The following NWD1 variants were observed in gnomAD, a reference collection of about 807,000 sequenced individuals.
NWD1 encodes NACHT and WD repeat domain containing 1.
In NWD1, 129 loss-of-function variants were observed where a neutral mutation model predicts 135.1. The observed-to-expected ratio is 0.96, with a 90% CI of 0.83 to 1.11. NWD1 has a LOEUF of 1.11. Among genes scored for constraint, NWD1 ranks in the 50% least tolerant of loss-of-function variants. NWD1 has a pLI of 0.00. For synonymous variants in NWD1, 773 were observed against 786.0 expected (o/e 0.98, Z 0.28); for missense variants, 1,740 against 1,851.3 (o/e 0.94, Z 1.10).
At chr19:16,776,029 T>G (rs906681424) in intron 11 of NWD1, among the ~76,000 whole-genome samples, 1 of 152,140 alleles carries the variant, frequency 6.6e-6, no homozygotes, top group African/African-American at 2.4e-5. Flanking sequence ...GCTTTTGGGT[T>G]TTATTACTAA....
Position 16,773,203 on chromosome 19 carries a change from C to G in NWD1, c.2488C>G (p.Leu830Val). ...ATSHPALVGQ[L>V]CQQAQSWFQL... ...CTCACATCCAGCACTGGTGGGACAGCTATGCCAACAGGCCCAGAGCTGGTT... is the reference window on the plus strand; with the variant it reads ...CTCACATCCAGCACTGGTGGGACAGGTATGCCAACAGGCCCAGAGCTGGTT... The change falls in exon 11 of 19, where the codon CTA becomes GTA. Residue 830 changes from leucine (L) to valine (V), a missense_variant. Physicochemically the swap from Leu to Val is conservative, Grantham distance 32 (BLOSUM62 1). Coordinates refer to ENST00000524140, the MANE Select transcript of NWD1 (RefSeq NM_001007525.5). 6.2e-7 allele frequency: 1 copy of G among 1,613,852 alleles called. No homozygotes were observed. Among genetic ancestry groups the G allele is most frequent in the Non-Finnish European group, 8.5e-7 (1 of 1,179,982 alleles).
chr19:16,768,975 G>A (rs775842851), intron 10 of NWD1, among the ~76,000 whole-genome samples: 1 of 152,152 alleles, frequency 6.6e-6, no homozygotes, highest in African/African-American at 2.4e-5. Context: ...ATCCTCGGAG[G>A]TCTGCCTACT....
At chr19:16,737,767 A>G (rs1026396118) in intron 4 of NWD1, among the ~76,000 whole-genome samples, 3 of 151,588 alleles carry the variant, frequency 2.0e-5, no homozygotes. Context: ...AAGTCAGGAG[A>G]TTGAGACCAG....
chr19:16,737,604 C>T (rs1967877417), intron 4 of NWD1, among the ~76,000 whole-genome samples: 2 of 151,110 alleles, frequency 1.3e-5, no homozygotes, highest in Non-Finnish European at 2.9e-5. Flanking sequence ...GCTATGTTGC[C>T]CAGGCTGGCC....
At position 16,800,061 on chromosome 19, in the gene NWD1, T is replaced by C; in HGVS notation, c.3635T>C (p.Leu1212Pro). 1 of 1,614,230 alleles carries C rather than the reference T, an allele frequency of 6.2e-7. No individual in the cohort carries two copies. The highest frequency in any genetic ancestry group is 8.5e-7 in the Non-Finnish European group (1 of 1,180,026). Residue 1212 changes from leucine (L) to proline (P), a missense_variant, in exon 17 of 19, where the codon CTG becomes CCG. Coordinates refer to ENST00000524140, the MANE Select transcript of NWD1 (RefSeq NM_001007525.5). ...AHRSRVPAPF[L>P]DRTGLTAVSH... ...AGGTCCCGGGTGCCTGCACCATTTC[T>C]GGACCGCACCGGCCTCACCGCAGTG...
chr19:16,744,793 G>T (rs1203643960), intron 5 of NWD1, 75 bp downstream of exon 5: 1 of 1,257,448 alleles, frequency 8.0e-7, no homozygotes, highest in Non-Finnish European at 1.1e-6. Flanking sequence ...TCCCCTGTTG[G>T]CAAAAATGCA....
At chr19:16,727,280 C>T (rs1258827848) in intron 2 of NWD1, 1 of 152,440 alleles carries the variant, frequency 6.6e-6, no homozygotes, top group East Asian at 1.9e-4. Flanking sequence ...GAGCCAACAT[C>T]CAGAGGTCTT....
At chr19:16,772,890 A>G (rs556215786) in intron 10 of NWD1, among the ~76,000 whole-genome samples, 29 of 151,996 alleles carry the variant, frequency 1.9e-4, no homozygotes, top group Non-Finnish European at 8.8e-5. Context: ...AGGAAAGGGA[A>G]GCATTCTAGG....
intron 18 of NWD1, among the ~76,000 whole-genome samples, chr19:16,810,465 A>AG (rs1970893251): frequency 6.7e-6 from 1 of 150,062 alleles, no homozygotes; most frequent in Non-Finnish European, 1.5e-5. Flanking sequence ...AAAGAAAGAA[A>AG]AAGAAGGCCT....
chr19:16,766,388 C>T (rs550607034), intron 10 of NWD1, among the ~76,000 whole-genome samples: 118 of 152,086 alleles, frequency 7.8e-4, no homozygotes, highest in African/African-American at 2.8e-3. Context: ...GGTGACAGAG[C>T]GAGACCCTGT....
chr19:16,764,777 C>T (rs35160691), intron 9 of NWD1, among the ~76,000 whole-genome samples: 44,180 of 151,900 alleles, frequency 0.29, 6,521 homozygotes, highest in Middle Eastern at 0.5. Context: ...GGACACTTGA[C>T]AATGTCTGCA....
chr19:16,750,499 G>C (rs1169592883), intron 6 of NWD1, 88 bp downstream of exon 6: 2 of 1,060,358 alleles, frequency 1.9e-6, no homozygotes, highest in African/African-American at 1.6e-5. Flanking sequence ...ATGTCACCCA[G>C]GCTGGAGTGC....
intron 16 of NWD1, 111 bp downstream of exon 16, chr19:16,797,997 C>A: frequency 2.0e-6 from 2 of 985,526 alleles, no homozygotes; most frequent in Non-Finnish European, 1.5e-6. Flanking sequence ...TGAGTGCAGG[C>A]AAAATAGGTG....
intron 11 of NWD1, among the ~76,000 whole-genome samples, chr19:16,773,747 T>C (rs1969496311): frequency 6.6e-6 from 1 of 152,134 alleles, no homozygotes; most frequent in Non-Finnish European, 1.5e-5. Flanking sequence ...TTGCCATCCA[T>C]TTGTCATTCA....
intron 7 of NWD1, among the ~76,000 whole-genome samples, chr19:16,759,887 G>A (rs1174733961): frequency 1.3e-5 from 2 of 152,034 alleles, no homozygotes; most frequent in East Asian, 1.9e-4. Context: ...CCAGCTGCTC[G>A]GGAGGCTGAG....
intron 4 of NWD1, among the ~76,000 whole-genome samples, chr19:16,739,355 A>AAT (rs1491391537): frequency 0.01 from 1,313 of 130,522 alleles, 48 homozygotes; most frequent in African/African-American, 0.036. Context: ...AAAAAAAAAA[A>AAT]TTATTTTTTT....
At chr19:16,747,233 C>T (rs1968360089) in intron 5 of NWD1, among the ~76,000 whole-genome samples, 1 of 151,486 alleles carries the variant, frequency 6.6e-6, no homozygotes, top group Admixed American at 6.6e-5. Flanking sequence ...GACGGGGTTT[C>T]CCCATGTTGC....
At chr19:16,792,640 C>T (rs964043773) in intron 14 of NWD1, among the ~76,000 whole-genome samples, 1 of 151,832 alleles carries the variant, frequency 6.6e-6, no homozygotes, top group Admixed American at 6.6e-5. Context: ...CAAGATTGCA[C>T]CACTGCACTC....
At chr19:16,773,574 C>T (rs981858311) in intron 11 of NWD1, among the ~76,000 whole-genome samples, 2 of 152,154 alleles carry the variant, frequency 1.3e-5, no homozygotes, top group East Asian at 1.9e-4. Flanking sequence ...AGCTTCCCAT[C>T]TCCAAGGGAT....
Sources: gnomAD v4.1 joint callset for allele counts (sites outside exome capture counted in the v4.1 genomes callset) on GRCh38, gnomAD v4.1.1 for gene constraint, MANE v1.5 for transcripts, NCBI Gene and HGNC (gene_info 2026-07-23, HGNC 2026-07-21) for gene names.